ANKIB1: variants seen among roughly 807,000 people sequenced by gnomAD.
ANKIB1 encodes the protein ankyrin repeat and IBR domain-containing protein 1.
In ANKIB1, 43 loss-of-function variants were observed where a neutral mutation model predicts 122.1. That is an observed-to-expected ratio of 0.35 (90% confidence interval 0.28 to 0.45). ANKIB1 has a LOEUF of 0.45. Ranked by LOEUF, ANKIB1 falls within the 20% of genes least tolerant of loss-of-function variation. The probability of loss-of-function intolerance (pLI) is 1.00; values close to 1 mark genes in which losing one functional copy is unlikely to be tolerated. For synonymous variants in ANKIB1, 390 were observed against 442.0 expected (o/e 0.88, Z 1.48); for missense variants, 992 against 1,329.5 (o/e 0.75, Z 3.95).
chr7:92,384,623 C>G (rs571336779), intron 11 of ANKIB1, among the ~76,000 whole-genome samples: 1 of 152,172 alleles, frequency 6.6e-6, no homozygotes, highest in East Asian at 1.9e-4. Flanking sequence ...CTGACAAAAA[C>G]AAGAAATGGG....
chr7:92,380,265 A>G (rs542143288), intron 11 of ANKIB1, among the ~76,000 whole-genome samples: 32 of 152,264 alleles, frequency 2.1e-4, no homozygotes, highest in African/African-American at 6.0e-4. Context: ...ACAGCTCAAC[A>G]AGGCCCCCCT....
At chr7:92,327,259 G>C (rs1803048213) in intron 4 of ANKIB1, among the ~76,000 whole-genome samples, 1 of 152,184 alleles carries the variant, frequency 6.6e-6, no homozygotes, top group South Asian at 2.1e-4. Flanking sequence ...GCATGAAAGA[G>C]ACTTGTGAAA....
intron 4 of ANKIB1, among the ~76,000 whole-genome samples, chr7:92,322,700 C>G (rs139689632): frequency 2.1e-4 from 32 of 152,214 alleles, no homozygotes; most frequent in African/African-American, 7.5e-4. Flanking sequence ...TAAGTCAGAA[C>G]ATACAATCTA....
At chr7:92,257,064 C>G (rs1264503889) in intron 1 of ANKIB1, among the ~76,000 whole-genome samples, 1 of 151,962 alleles carries the variant, frequency 6.6e-6, no homozygotes, top group Non-Finnish European at 1.5e-5. Context: ...GTGGTGCGTG[C>G]CTGTAATTCT....
At chr7:92,389,554 T>C (rs1392911881) in intron 14 of ANKIB1, among the ~76,000 whole-genome samples, 1 of 152,178 alleles carries the variant, frequency 6.6e-6, no homozygotes, top group African/African-American at 2.4e-5. Context: ...AATTAGGCTC[T>C]TTTTATAAGC....
intron 17 of ANKIB1, among the ~76,000 whole-genome samples, chr7:92,394,598 C>A (rs2115720242): frequency 6.6e-6 from 1 of 152,226 alleles, no homozygotes; most frequent in South Asian, 2.1e-4. Flanking sequence ...ACAAAGTAAG[C>A]AAATTATCCC....
In ANKIB1 at chr7:92,391,303, G is replaced by T. The variant is rs1804781079; in HGVS notation, c.2190G>T (p.Arg730=). The change falls in exon 16 of 20, where the codon CGG becomes CGT. Residue 730 remains arginine (R), a synonymous_variant. Coordinates refer to ENST00000265742, the MANE Select transcript of ANKIB1 (RefSeq NM_019004.2). ...KRQEFLASVA[R]GVAPADSPEA... ...AAGAATTCCTGGCATCTGTGGCTCG[G>T]GGAGTAGCTCCTGCAGACTCACCAG... 3.1e-6 allele frequency: 5 copies of T among 1,613,272 alleles called. No homozygotes were observed. Among genetic ancestry groups the T allele is most frequent in the Non-Finnish European group, 4.2e-6 (5 of 1,179,538 alleles).
At chr7:92,315,379 C>CATTTAGA (rs1418009810) in intron 3 of ANKIB1, among the ~76,000 whole-genome samples, 2 of 152,126 alleles carry the variant, frequency 1.3e-5, no homozygotes, top group Non-Finnish European at 2.9e-5. Flanking sequence ...TATAGACACT[C>CATTTAGA]ATTTAGAATT....
At chr7:92,248,990 C>T (rs1801263491) in intron 1 of ANKIB1, among the ~76,000 whole-genome samples, 2 of 146,738 alleles carry the variant, frequency 1.4e-5, no homozygotes, top group South Asian at 2.2e-4. Context: ...TGGGGTCAAA[C>T]GATTCTCCTG....
intron 3 of ANKIB1, among the ~76,000 whole-genome samples, chr7:92,317,395 C>G (rs981495329): frequency 1.3e-5 from 2 of 152,114 alleles, no homozygotes; most frequent in African/African-American, 4.8e-5. Context: ...ACCACACTTG[C>G]AGTAAAAAGG....
chr7:92,383,455 C>T (rs1804564162), intron 11 of ANKIB1, among the ~76,000 whole-genome samples: 2 of 152,162 alleles, frequency 1.3e-5, no homozygotes, highest in South Asian at 2.1e-4. Flanking sequence ...GAATTTTAGA[C>T]TGATATCCCT....
At chr7:92,366,062 G>A (rs773043418) in intron 10 of ANKIB1, among the ~76,000 whole-genome samples, 2 of 151,928 alleles carry the variant, frequency 1.3e-5, no homozygotes, top group African/African-American at 4.8e-5. Flanking sequence ...AAAGTGCTGG[G>A]ATTACAGATT....
chr7:92,252,392 T>C (rs1316474745), intron 1 of ANKIB1, among the ~76,000 whole-genome samples: 3 of 150,792 alleles, frequency 2.0e-5, no homozygotes, highest in Non-Finnish European at 3.0e-5. Context: ...ACTACTTTTT[T>C]TTTTTTTTTT....
intron 7 of ANKIB1, among the ~76,000 whole-genome samples, chr7:92,349,499 T>C (rs1457409460): frequency 1.3e-5 from 2 of 152,172 alleles, no homozygotes; most frequent in Admixed American, 1.3e-4. Context: ...AAAGATACTA[T>C]AGTTAGTGAA....
intron 9 of ANKIB1, among the ~76,000 whole-genome samples, chr7:92,359,529 CAT>C (rs1349103889): frequency 2.0e-5 from 3 of 152,136 alleles, no homozygotes; most frequent in Admixed American, 6.5e-5. Flanking sequence ...CTGCAATAAA[CAT>C]ATGTGTGTGT....
chr7:92,317,487 T>A (rs1364613434), intron 3 of ANKIB1, among the ~76,000 whole-genome samples: 1 of 152,202 alleles, frequency 6.6e-6, no homozygotes, highest in Non-Finnish European at 1.5e-5. Flanking sequence ...TTAGAGCCAT[T>A]CTTAGCAAAC....
At chr7:92,282,395 C>T (rs902446181) in intron 1 of ANKIB1, among the ~76,000 whole-genome samples, 1 of 152,182 alleles carries the variant, frequency 6.6e-6, no homozygotes, top group African/African-American at 2.4e-5. Flanking sequence ...CCACCTACCT[C>T]TGCCTCCCAA....
chr7:92,386,216 A>C (rs1804643331), intron 11 of ANKIB1, among the ~76,000 whole-genome samples: 2 of 152,148 alleles, frequency 1.3e-5, no homozygotes, highest in African/African-American at 4.8e-5. Context: ...AAAATGAAAC[A>C]CTTTCCAAAG....
intron 11 of ANKIB1, among the ~76,000 whole-genome samples, chr7:92,374,805 G>A (rs1348534492): frequency 2.0e-5 from 3 of 149,990 alleles, no homozygotes; most frequent in East Asian, 3.9e-4. Flanking sequence ...CTGAAAACGC[G>A]ACTAATAAAT....
Sources: gnomAD v4.1 joint callset for allele counts (sites outside exome capture counted in the v4.1 genomes callset) on GRCh38, gnomAD v4.1.1 for gene constraint, MANE v1.5 for transcripts, NCBI Gene and HGNC (gene_info 2026-07-23, HGNC 2026-07-21) for gene names.